Variants in ARHGAP15 observed in about 807,000 individuals in gnomAD.
ARHGAP15 encodes rho GTPase-activating protein 15.
ARHGAP15 carries 51 observed loss-of-function variants against 63.7 expected under a neutral mutation model. The ratio of observed to expected loss-of-function variants is 0.80; its 90% CI spans 0.64 to 1.01. The LOEUF is 1.01. Among genes scored for constraint, ARHGAP15 ranks in the 50% least tolerant of loss-of-function variants. The pLI, the probability that ARHGAP15 is intolerant of heterozygous loss-of-function variation, is 0.00. For missense variants in ARHGAP15, 560 were observed against 564.6 expected (o/e 0.99, Z 0.08); for synonymous variants, 191 against 193.8 (o/e 0.99, Z 0.12).
intron 5 of ARHGAP15, among the ~76,000 whole-genome samples, chr2:143,245,641 T>G: frequency 6.7e-6 from 1 of 149,970 alleles, no homozygotes; most frequent in Non-Finnish European, 1.5e-5. Context: ...TTTAAACGGG[T>G]AATGAACATG....
chr2:143,479,034 T>C (rs1051807527), intron 8 of ARHGAP15, among the ~76,000 whole-genome samples: 1 of 152,248 alleles, frequency 6.6e-6, no homozygotes, highest in Admixed American at 6.5e-5. Flanking sequence ...CTGCTGAGAA[T>C]GTATCTTTAC....
chr2:143,604,031 A>G (rs895060531), intron 11 of ARHGAP15, among the ~76,000 whole-genome samples: 5 of 152,188 alleles, frequency 3.3e-5, no homozygotes, highest in Non-Finnish European at 5.9e-5. Flanking sequence ...GAATATCAAA[A>G]ACCATTTCCT....
At chr2:143,669,167 G>A (rs996134763) in intron 12 of ARHGAP15, among the ~76,000 whole-genome samples, 12 of 152,200 alleles carry the variant, frequency 7.9e-5, no homozygotes, top group African/African-American at 2.9e-4. Context: ...CTAGGAGATA[G>A]ATAGTATAAT....
chr2:143,375,184 GT>G (rs1370705353), intron 6 of ARHGAP15, among the ~76,000 whole-genome samples: 1 of 152,084 alleles, frequency 6.6e-6, no homozygotes, highest in Non-Finnish European at 1.5e-5. Context: ...TAATTTCAAG[GT>G]TAACATTAGT....
At chr2:143,421,099 T>C (rs1294901043) in intron 6 of ARHGAP15, among the ~76,000 whole-genome samples, 1 of 152,186 alleles carries the variant, frequency 6.6e-6, no homozygotes, top group Non-Finnish European at 1.5e-5. Flanking sequence ...CATGGTGAGG[T>C]ATCTCAGATG....
At chr2:143,334,667 A>G (rs947813182) in intron 6 of ARHGAP15, among the ~76,000 whole-genome samples, 1 of 152,204 alleles carries the variant, frequency 6.6e-6, no homozygotes, top group African/African-American at 2.4e-5. Flanking sequence ...TTTATGCCTA[A>G]TCACCATAAA....
intron 6 of ARHGAP15, among the ~76,000 whole-genome samples, chr2:143,417,478 T>A (rs1406717727): frequency 6.6e-6 from 1 of 152,172 alleles, no homozygotes; most frequent in Non-Finnish European, 1.5e-5. Context: ...CTGTACTTAA[T>A]ATGGATAATT....
chr2:143,188,949 T>G (rs1691561101), intron 2 of ARHGAP15, among the ~76,000 whole-genome samples: 1 of 152,044 alleles, frequency 6.6e-6, no homozygotes, highest in Non-Finnish European at 1.5e-5. Flanking sequence ...AACGATTTTT[T>G]TTTTTCCCTT....
intron 10 of ARHGAP15, among the ~76,000 whole-genome samples, chr2:143,537,201 C>A (rs1227086967): frequency 2.0e-5 from 3 of 152,108 alleles, no homozygotes; most frequent in African/African-American, 7.2e-5. Flanking sequence ...TGTTCATATC[C>A]TTTGCCCACT....
rs1370547112 is a variant in ARHGAP15 at position 143,165,978 on chromosome 2, GA to G, written c.165+10326del. On this transcript the variant is annotated intron_variant, in intron 2 of 13. Coordinates refer to ENST00000295095, the MANE Select transcript of ARHGAP15 (RefSeq NM_018460.4). ...AGAAAGAGAGAAAGAAAGAAAGAAA[GA>G]AAGAAAGAAAGAAAGAAAGAAAGAA... 4.3e-5 allele frequency among the ~76,000 whole-genome samples: 5 copies of G among 116,208 alleles called. 1 individual carries two copies. The highest frequency in any genetic ancestry group is 2.7e-4 in the Admixed American group (3 of 11,264). The allele number at this position is 116,208 out of a possible 152,430, so 76.2% of individuals were successfully genotyped here. A position where few individuals can be genotyped will look rare whatever the true frequency, so the allele number is the denominator to read the frequency against.
chr2:143,702,422 G>A (rs1169092155), intron 12 of ARHGAP15, among the ~76,000 whole-genome samples: 1 of 150,882 alleles, frequency 6.6e-6, no homozygotes, highest in Non-Finnish European at 1.5e-5. Flanking sequence ...TTTTTTTTCT[G>A]TTTTACCCTC....
At chr2:143,277,647 G>T (rs1423293935) in intron 6 of ARHGAP15, among the ~76,000 whole-genome samples, 4 of 151,902 alleles carry the variant, frequency 2.6e-5, no homozygotes, top group Non-Finnish European at 5.9e-5. Context: ...TGGTGCAATG[G>T]GGTCACAACA....
intron 13 of ARHGAP15, among the ~76,000 whole-genome samples, chr2:143,721,995 T>C (rs1478200053): frequency 3.3e-5 from 5 of 151,044 alleles, no homozygotes; most frequent in African/African-American, 1.2e-4. Context: ...TATGCAAACA[T>C]GGTTTACTGC....
At chr2:143,408,377 T>G (rs574747200) in intron 6 of ARHGAP15, among the ~76,000 whole-genome samples, 18 of 151,696 alleles carry the variant, frequency 1.2e-4, no homozygotes, top group Non-Finnish European at 2.2e-4. Flanking sequence ...CTTCTTTTCC[T>G]TCCTCACTGA....
intron 6 of ARHGAP15, among the ~76,000 whole-genome samples, chr2:143,304,480 G>A (rs1683075213): frequency 6.6e-6 from 1 of 152,074 alleles, no homozygotes; most frequent in African/African-American, 2.4e-5. Context: ...GGGAGGGATA[G>A]CATTAGGAGA....
chr2:143,193,016 T>C (rs1186341575), intron 2 of ARHGAP15, among the ~76,000 whole-genome samples: 1 of 152,212 alleles, frequency 6.6e-6, no homozygotes, highest in East Asian at 1.9e-4. Context: ...TGGGGCTCTG[T>C]GAATTCTTCC....
intron 12 of ARHGAP15, among the ~76,000 whole-genome samples, chr2:143,673,781 T>TATATATATAG (rs1339149290): frequency 8.3e-6 from 1 of 120,340 alleles, no homozygotes; most frequent in Admixed American, 9.5e-5. Flanking sequence ...TATATATATA[T>TATATATATAG]ATAAACAACT....
At chr2:143,153,887 C>G (rs1166626634) in intron 1 of ARHGAP15, among the ~76,000 whole-genome samples, 1 of 95,102 alleles carries the variant, frequency 1.1e-5, no homozygotes, top group Non-Finnish European at 2.4e-5. Flanking sequence ...TCCTCCTCCT[C>G]CTCCTCCTCC....
chr2:143,433,266 T>C (rs778304996), intron 6 of ARHGAP15, among the ~76,000 whole-genome samples: 33 of 152,114 alleles, frequency 2.2e-4, no homozygotes, highest in Non-Finnish European at 3.4e-4. Context: ...GTGACTGGAA[T>C]AGAGCAGAAC....
Sources: gnomAD v4.1 joint callset for allele counts (sites outside exome capture counted in the v4.1 genomes callset) on GRCh38, gnomAD v4.1.1 for gene constraint, MANE v1.5 for transcripts, NCBI Gene and HGNC (gene_info 2026-07-23, HGNC 2026-07-21) for gene names.